The following GCFC2 variants were observed in gnomAD, a reference collection of about 807,000 sequenced individuals.
The protein encoded by GCFC2 is GC-rich sequence DNA-binding factor 2, also known as intron Large complex component GCFC2.
GCFC2 carries 102 observed loss-of-function variants against 99.4 expected under a neutral mutation model. That is an observed-to-expected ratio of 1.03 (90% CI 0.87 to 1.21). GCFC2 has a LOEUF of 1.21. GCFC2 is among the 50% of genes most tolerant of loss of function. The probability of loss-of-function intolerance (pLI) is 0.00; values close to 1 mark genes in which losing one functional copy is unlikely to be tolerated. For synonymous variants in GCFC2, 338 were observed against 316.8 expected (o/e 1.07, Z -0.71); for missense variants, 973 against 920.9 (o/e 1.06, Z -0.73).
At chr2:75,677,977 C>CAAA (rs1308285431) in intron 12 of GCFC2, among the ~76,000 whole-genome samples, 1 of 103,796 alleles carries the variant, frequency 9.6e-6, no homozygotes. Context: ...GACTCCGCCT[C>CAAA]AAAAAAAAAA....
intron 4 of GCFC2, chr2:75,698,129 A>T (rs1406360267): frequency 2.0e-5 from 3 of 152,246 alleles, no homozygotes; most frequent in Non-Finnish European, 4.4e-5. Context: ...TAAGTGTGAG[A>T]TTCCATTTTC....
Position 75,707,295 on chromosome 2 carries a change from G to A in GCFC2, c.266-644C>T, listed in dbSNP as rs77292140. ...AATGCATGATTTGGGAAGGTAAATAGTCTGTTAAATTCAATTAATCTGTTA... is the reference window on the plus strand; with the variant it reads ...AATGCATGATTTGGGAAGGTAAATAATCTGTTAAATTCAATTAATCTGTTA... On this transcript the variant is annotated intron_variant, in intron 1 of 16. Transcript: ENST00000321027. 8.1e-3 allele frequency among the ~76,000 whole-genome samples: 1,232 copies of A among 152,268 alleles called. 8 individuals carry two copies. The highest frequency in any genetic ancestry group is 0.013 in the Non-Finnish European group (875 of 68,016).
At chr2:75,711,693 G>A (rs1403545653), upstream of GCFC2, among the ~76,000 whole-genome samples, 1 of 152,222 alleles carries the variant, frequency 6.6e-6, no homozygotes, top group African/African-American at 2.4e-5. Context: ...TGCCAGCCCC[G>A]GGCAGTGAGG....
intron 12 of GCFC2, among the ~76,000 whole-genome samples, 167 bp from the exon 13 acceptor site, chr2:75,673,687 T>G (rs1166147191): frequency 4.6e-5 from 7 of 152,236 alleles, no homozygotes; most frequent in African/African-American, 1.7e-4. Flanking sequence ...TGTTGCTACA[T>G]ATGGGTATAG....
intron 11 of GCFC2, among the ~76,000 whole-genome samples, chr2:75,680,600 CATT>C (rs1679531141): frequency 6.6e-6 from 1 of 152,182 alleles, no homozygotes; most frequent in Non-Finnish European, 1.5e-5. Flanking sequence ...AAAACAAACA[CATT>C]AACTTGATCA....
rs367659517 is a variant in GCFC2 at position 75,689,058 on chromosome 2, G to A, written c.1507C>T (p.Arg503Ter). The part of the protein sequence containing the change: ...CIPKLLNPLI[R>*]VQLIDWNPLK... ...GGATTCCAATCAATCAACTGAACTC[G>A]TATTAGGGGATTTAAAAGCTTTGGT... Residue 503 changes from arginine (R) to a stop codon, truncating the protein, a stop_gained, in exon 10 of 17, where the codon CGA (arginine) becomes TGA (stop). Coordinates refer to ENST00000321027, the MANE Select transcript of GCFC2 (RefSeq NM_003203.5). LOFTEE classifies it high-confidence loss of function. 3.1e-6 allele frequency: 5 copies of A among 1,587,910 alleles called. No homozygotes were observed. The highest frequency in any genetic ancestry group is 1.3e-5 in the African/African-American group (1 of 74,140).
In GCFC2 at chr2:75,702,200, T is replaced by G; in HGVS notation, c.618A>C (p.Ser206=). Residue 206 remains serine (S), a splice_region_variant and synonymous_variant, in exon 3 of 17, where the codon TCA becomes TCC. Transcript: ENST00000321027. The stretch of plus-strand genomic sequence containing the variant: ...CTTCATATATTGGTAAATCCATACT[T>G]GATTCCTCAGCCATCCTTTGTCTAA... ...QTLRQRMAEE[S]ISRNEETSEE... The G allele has an allele frequency of 6.2e-7, 1 of 1,602,640 alleles. No individual in the cohort carries two copies. Among genetic ancestry groups the G allele is most frequent in the Non-Finnish European group, 8.5e-7 (1 of 1,169,948 alleles).
intron 15 of GCFC2, among the ~76,000 whole-genome samples, chr2:75,668,742 A>G (rs1678960235): frequency 6.6e-6 from 1 of 152,160 alleles, no homozygotes; most frequent in Non-Finnish European, 1.5e-5. Context: ...CTATAACAAT[A>G]TTCTTTGTAC....
chr2:75,710,379 C>G, intron 1 of GCFC2: 1 of 1,197,078 alleles, frequency 8.4e-7, no homozygotes, highest in Non-Finnish European at 1.1e-6. Flanking sequence ...TTTATTTCCC[C>G]CAAGGAGTCC....
upstream of GCFC2, among the ~76,000 whole-genome samples, chr2:75,712,612 G>C (rs1042084585): frequency 5.3e-5 from 8 of 151,236 alleles, no homozygotes; most frequent in Middle Eastern, 3.4e-3. Flanking sequence ...TTGTTCTTTC[G>C]CTCTTTGCAA....
At chr2:75,673,367 T>C in intron 13 of GCFC2, 77 bp downstream of exon 13, 5 of 733,464 alleles carry the variant, frequency 6.8e-6, no homozygotes, top group Non-Finnish European at 9.8e-6. Context: ...CTGTAGTTTC[T>C]TTTGCATTGC....
rs764836685 is a variant in GCFC2 at position 75,690,097 on chromosome 2, A to G, written c.1227-16T>C. On this transcript the variant is annotated splice_polypyrimidine_tract_variant and intron_variant, in intron 8 of 16. Coordinates refer to ENST00000321027, the MANE Select transcript of GCFC2 (RefSeq NM_003203.5). ...TCTTTTTGTCCTATATTTTGCAACA[A>G]ACCAAAAATAAACAAAAAGTAAGTA... 6.9e-7 allele frequency: 1 copy of G among 1,450,224 alleles called. No individual in the cohort carries two copies. Among genetic ancestry groups the G allele is most frequent in the Admixed American group, 2.0e-5 (1 of 50,566 alleles). The allele number at this position is 1,450,224 out of a possible 1,614,324, so 89.8% of individuals were successfully genotyped here.
In GCFC2 at chr2:75,688,963, T is replaced by C. The variant is rs145254517; in HGVS notation, c.1539+63A>G. On this transcript the variant is annotated intron_variant, in intron 10 of 16. Coordinates refer to ENST00000321027, the MANE Select transcript of GCFC2 (RefSeq NM_003203.5). ...GTAAGGTATTTAATGCCTAACACAATAGTAAGGGAATTTAAGCAACTAATA... is the reference window on the plus strand; with the variant it reads ...GTAAGGTATTTAATGCCTAACACAACAGTAAGGGAATTTAAGCAACTAATA... The C allele has an allele frequency of 6.8e-4, 608 of 896,796 alleles. 1 individual carries two copies. The African/African-American group carries it at 9.3e-3, about 14-fold the overall frequency. 55.6% of individuals were successfully genotyped at this position (896,796 alleles called of 1,614,324 possible). A position where few individuals can be genotyped will look rare whatever the true frequency, so the allele number is the denominator to read the frequency against.
At chr2:75,673,273 A>G (rs1034346231) in intron 13 of GCFC2, among the ~76,000 whole-genome samples, 171 bp downstream of exon 13, 39 of 151,920 alleles carry the variant, frequency 2.6e-4, no homozygotes, top group Admixed American at 2.4e-3. Flanking sequence ...GCGCCACTGC[A>G]CTCCAGCCTG....
chr2:75,668,600 C>T (rs1399421354), intron 15 of GCFC2, among the ~76,000 whole-genome samples: 5 of 152,116 alleles, frequency 3.3e-5, no homozygotes, highest in Non-Finnish European at 7.4e-5. Flanking sequence ...AAAAACATAA[C>T]TTTTGTGAAC....
At chr2:75,684,389 T>C (rs1406056202) in intron 11 of GCFC2, among the ~76,000 whole-genome samples, 1 of 152,070 alleles carries the variant, frequency 6.6e-6, no homozygotes, top group African/African-American at 2.4e-5. Flanking sequence ...ACTGGGTAAA[T>C]AAAGAAATGG....
intron 15 of GCFC2, among the ~76,000 whole-genome samples, chr2:75,666,627 T>C (rs1678845505): frequency 1.3e-5 from 2 of 152,104 alleles, no homozygotes; most frequent in African/African-American, 4.8e-5. Flanking sequence ...GGAAATTACA[T>C]TTTATCATTG....
intron 2 of GCFC2, among the ~76,000 whole-genome samples, chr2:75,705,158 T>G (rs1680785763): frequency 1.3e-5 from 2 of 152,070 alleles, no homozygotes; most frequent in South Asian, 4.2e-4. Flanking sequence ...CACAGAAAAT[T>G]TTACTGAATA....
At chr2:75,679,904 T>C (rs1387549782) in intron 12 of GCFC2, 3 of 417,540 alleles carry the variant, frequency 7.2e-6, no homozygotes, top group Admixed American at 8.3e-5. Context: ...TGTATGTCTA[T>C]AATTTAAAAT....
Sources: gnomAD v4.1 joint callset for allele counts (sites outside exome capture counted in the v4.1 genomes callset) on GRCh38, gnomAD v4.1.1 for gene constraint, MANE v1.5 for transcripts, NCBI Gene and HGNC (gene_info 2026-07-23, HGNC 2026-07-21) for gene names.